GPC6: variants seen among roughly 807,000 people sequenced by gnomAD.
GPC6 encodes glypican-6.
A neutral mutation model predicts 55.2 loss-of-function variants in GPC6; 14 were observed. The observed-to-expected ratio is 0.25, with a 90% CI of 0.17 to 0.40. The LOEUF (loss-of-function observed/expected upper bound fraction) is 0.40, where lower values mean the gene tolerates loss of function less well. GPC6 is among the 10% of genes least tolerant of loss of function. The pLI is 1.00. For synonymous variants in GPC6, 278 were observed against 259.6 expected, an observed-to-expected ratio of 1.07 and a Z score of -0.68; for missense variants, 641 against 708.5, an observed-to-expected ratio of 0.90 and a Z score of 1.08.
chr13:94,300,168 C>T (rs1875568793), intron 5 of GPC6, among the ~76,000 whole-genome samples: 1 of 151,994 alleles, frequency 6.6e-6, no homozygotes, highest in Non-Finnish European at 1.5e-5. Context: ...TTTTAAAAAC[C>T]ACAGGAGCCG....
intron 4 of GPC6, among the ~76,000 whole-genome samples, chr13:94,223,287 T>C (rs1422619642): frequency 6.6e-6 from 1 of 152,144 alleles, no homozygotes; most frequent in African/African-American, 2.4e-5. Flanking sequence ...ATCAATTGGA[T>C]AAAAATTCTA....
intron 1 of GPC6, among the ~76,000 whole-genome samples, chr13:93,542,997 C>T (rs1882385476): frequency 6.6e-6 from 1 of 152,150 alleles, no homozygotes. Flanking sequence ...TCCTCTTTTC[C>T]TAATTGAATA....
intron 2 of GPC6, among the ~76,000 whole-genome samples, chr13:93,803,281 G>A (rs957581989): frequency 2.6e-5 from 4 of 152,082 alleles, no homozygotes; most frequent in Admixed American, 2.6e-4. Flanking sequence ...TGAAAAATGG[G>A]CAAATGACTT....
chr13:93,687,014 A>G lies in GPC6; in HGVS notation c.319+141593A>G, dbSNP rs1412393390. On this transcript the variant is annotated intron_variant, in intron 2 of 8. Transcript: ENST00000377047. ...CTAAGGTCACATACAATAAATTAAA[A>G]TACTGTAACAAATATCTTCAGATAT... is the stretch of plus-strand genomic sequence containing the variant. Among the ~76,000 whole-genome samples, 4 of 152,064 alleles carry G rather than the reference A, an allele frequency of 2.6e-5. 1 individual carries two copies. Among genetic ancestry groups the G allele is most frequent in the South Asian group, 4.1e-4 (2 of 4,824 alleles).
At chr13:94,053,212 G>A (rs1884013689) in intron 4 of GPC6, among the ~76,000 whole-genome samples, 1 of 152,050 alleles carries the variant, frequency 6.6e-6, no homozygotes, top group Non-Finnish European at 1.5e-5. Flanking sequence ...GACTTTCGGG[G>A]GATACGTGAT....
intron 3 of GPC6, among the ~76,000 whole-genome samples, chr13:94,019,885 T>C (rs748522280): frequency 2.0e-4 from 30 of 152,134 alleles, no homozygotes; most frequent in Non-Finnish European, 4.1e-4. Flanking sequence ...CACTTCTGAT[T>C]TTAGTTACTT....
chr13:93,921,502 A>G (rs1877568295), intron 3 of GPC6, among the ~76,000 whole-genome samples: 1 of 151,902 alleles, frequency 6.6e-6, no homozygotes, highest in African/African-American at 2.4e-5. Context: ...ATGGATGGGG[A>G]GCTAGAAAGG....
chr13:93,944,195 TTTATTTATTTA>T (rs1878879799), intron 3 of GPC6, among the ~76,000 whole-genome samples: 8 of 150,124 alleles, frequency 5.3e-5, no homozygotes, highest in Non-Finnish European at 1.0e-4. Flanking sequence ...TATTTATTTA[TTTATTTATTTA>T]TTTATTTATT....
chr13:93,295,109 C>CA (rs71202577), intron 1 of GPC6, among the ~76,000 whole-genome samples: 15,939 of 61,196 alleles, frequency 0.26, 2,258 homozygotes, highest in African/African-American at 0.35. Context: ...TCTGTCTCTG[C>CA]AAAAAAAAAA....
rs558221086 is a variant in GPC6, at chr13:93,240,728, A to G, written c.160+13112A>G. ...GTATTCTCCATCATGTTACTATTTT[A>G]TAAGCAGTGAGTTTTATACTTTTGA... On this transcript the variant is annotated intron_variant, in intron 1 of 8. Transcript: ENST00000377047. Among the ~76,000 whole-genome samples, 462 of 152,230 alleles carry G rather than the reference A, an allele frequency of 3.0e-3. 1 individual carries two copies. Among genetic ancestry groups the G allele is most frequent in the Non-Finnish European group, 5.1e-3 (348 of 67,968 alleles).
chr13:93,421,676 C>G (rs1876928858), intron 1 of GPC6, among the ~76,000 whole-genome samples: 1 of 151,900 alleles, frequency 6.6e-6, no homozygotes, highest in Non-Finnish European at 1.5e-5. Flanking sequence ...CTAGTTTGCA[C>G]CACTTAACAT....
chr13:93,965,282 A>G (rs893635777), intron 3 of GPC6, among the ~76,000 whole-genome samples: 1 of 151,688 alleles, frequency 6.6e-6, no homozygotes, highest in African/African-American at 2.4e-5. Flanking sequence ...ATGGTGGCAG[A>G]CGCCTGTAGT....
chr13:94,373,714 C>T lies in GPC6; in HGVS notation c.1153-8700C>T, dbSNP rs1296759269. ...ATTCACATTCAGGAAATACAGAGAA[C>T]GCCACAAAGATACTCCTCGAGAAGA... On this transcript the variant is annotated intron_variant, in intron 6 of 8. Coordinates refer to ENST00000377047, the MANE Select transcript of GPC6 (RefSeq NM_005708.5). Among the ~76,000 whole-genome samples, 8 of 152,032 alleles carry T rather than the reference C, an allele frequency of 5.3e-5. No individual in the cohort carries two copies. In the East Asian group the frequency reaches 5.8e-4, roughly 11 times the overall value.
chr13:93,919,715 T>C (rs958082986), intron 3 of GPC6, among the ~76,000 whole-genome samples: 1 of 152,256 alleles, frequency 6.6e-6, no homozygotes, highest in Admixed American at 6.5e-5. Context: ...CCGAAAATGC[T>C]GATATTCCTG....
At chr13:94,400,984 G>T (rs771365530) in intron 8 of GPC6, among the ~76,000 whole-genome samples, 2 of 152,112 alleles carry the variant, frequency 1.3e-5, no homozygotes, top group Non-Finnish European at 2.9e-5. Flanking sequence ...ATTCCAGGTC[G>T]CCTTTGCTGT....
intron 2 of GPC6, among the ~76,000 whole-genome samples, chr13:93,598,674 AT>A (rs751879854): frequency 1.6e-4 from 24 of 152,332 alleles, no homozygotes; most frequent in Non-Finnish European, 3.4e-4. Context: ...CTTAAAAAAA[AT>A]CATAAAGCTT....
intron 6 of GPC6, among the ~76,000 whole-genome samples, chr13:94,343,895 TA>T (rs1246024615): frequency 3.9e-5 from 6 of 152,080 alleles, no homozygotes; most frequent in Admixed American, 6.6e-5. Flanking sequence ...CAGGCCCAGC[TA>T]ATTTTTGTAT....
intron 3 of GPC6, among the ~76,000 whole-genome samples, chr13:93,861,888 G>A (rs908055263): frequency 1.1e-4 from 16 of 151,572 alleles, no homozygotes; most frequent in African/African-American, 3.4e-4. Flanking sequence ...CTAAAGTGTC[G>A]GAAGGTTATG....
intron 2 of GPC6, among the ~76,000 whole-genome samples, chr13:93,789,607 A>G (rs1885946011): frequency 7.0e-5 from 1 of 14,368 alleles, no homozygotes; most frequent in Non-Finnish European, 1.5e-4. Context: ...ACATATATAT[A>G]TATATATATA....
Sources: gnomAD v4.1 joint callset for allele counts (sites outside exome capture counted in the v4.1 genomes callset) on GRCh38, gnomAD v4.1.1 for gene constraint, MANE v1.5 for transcripts, NCBI Gene and HGNC (gene_info 2026-07-23, HGNC 2026-07-21) for gene names.